Variants in ZNF480 observed in about 807,000 individuals in gnomAD.
ZNF480 encodes zinc finger protein 480.
Under a neutral mutation model 14.4 loss-of-function variants are expected in ZNF480, and 15 were observed. That is an observed-to-expected ratio of 1.04 (90% CI 0.70 to 1.60). The LOEUF is 1.60. ZNF480 is among the 40% of genes most tolerant of loss of function. ZNF480 has a pLI of 0.00. For missense variants in ZNF480, 593 were observed against 629.7 expected (o/e 0.94, Z 0.62); for synonymous variants, 218 against 215.5 (o/e 1.01, Z -0.10).
chr19:52,314,807 TA>T (rs1983472357), intron 3 of ZNF480, among the ~76,000 whole-genome samples: 1 of 150,532 alleles, frequency 6.6e-6, no homozygotes, highest in Non-Finnish European at 1.5e-5. Context: ...TCCGTCTCAT[TA>T]AAAAAACAAA....
At chr19:52,298,415 G>T (rs749923421) in intron 1 of ZNF480, among the ~76,000 whole-genome samples, 2 of 152,074 alleles carry the variant, frequency 1.3e-5, no homozygotes, top group Non-Finnish European at 2.9e-5. Context: ...GGTGGATCAC[G>T]TGAGGTCAGG....
chr19:52,301,596 G>A (rs1834951), intron 2 of ZNF480: 119,880 of 152,102 alleles, frequency 0.79, 47,459 homozygotes, highest in Non-Finnish European at 0.83. Context: ...CTAGTTTTCA[G>A]TCTGTGTTAG....
chr19:52,309,280 G>A lies in ZNF480; in HGVS notation c.73-4873G>A, dbSNP rs144934074. Reference sequence around the variant, plus strand: ...CAGCTGGAGACTCTGGAGGTCCCTCGCCTTGTCTGGGATGTGTCCTCTCTG... The same window carrying A: ...CAGCTGGAGACTCTGGAGGTCCCTCACCTTGTCTGGGATGTGTCCTCTCTG... On this transcript the variant is annotated intron_variant, in intron 2 of 4. Coordinates refer to ENST00000595962, the MANE Select transcript of ZNF480 (RefSeq NM_144684.4). Among the ~76,000 whole-genome samples, 140 of 152,254 alleles carry A rather than the reference G, an allele frequency of 9.2e-4. 1 individual carries two copies. Among genetic ancestry groups the A allele is most frequent in the Non-Finnish European group, 5.9e-4 (40 of 68,018 alleles).
rs1983958037 is a variant in ZNF480, at chr19:52,323,706, C to T, written c.*848C>T. 1 of 152,142 alleles carries T rather than the reference C, an allele frequency of 6.6e-6. No homozygotes were observed. The highest frequency in any genetic ancestry group is 1.5e-5 in the Non-Finnish European group (1 of 68,010). The allele number at this position is 152,142 out of a possible 1,614,324, so 9.4% of individuals were successfully genotyped here. A position where few individuals can be genotyped will look rare whatever the true frequency, so the allele number is the denominator to read the frequency against. On this transcript the variant is annotated 3_prime_UTR_variant, in exon 5 of 5. Coordinates refer to ENST00000595962, the MANE Select transcript of ZNF480 (RefSeq NM_144684.4). Reference sequence around the variant, plus strand: ...AGAACTAAAAACAAAAACCACATGACCATGATCATCTCTTTAGATGCAGAA... The same window carrying T: ...AGAACTAAAAACAAAAACCACATGATCATGATCATCTCTTTAGATGCAGAA...
chr19:52,314,788 G>C (rs1279780975), intron 3 of ZNF480, among the ~76,000 whole-genome samples: 1 of 151,772 alleles, frequency 6.6e-6, no homozygotes, highest in African/African-American at 2.4e-5. Flanking sequence ...TGGGTAACAA[G>C]AGTGAAACTC....
Position 52,300,500 on chromosome 19 carries a change from C to G in ZNF480, c.72+16C>G. 1 of 1,609,328 alleles carries G rather than the reference C, an allele frequency of 6.2e-7. No individual in the cohort carries two copies. The highest frequency in any genetic ancestry group is 2.2e-5 in the East Asian group (1 of 44,866). On this transcript the variant is annotated intron_variant, in intron 2 of 4. Coordinates refer to ENST00000595962, the MANE Select transcript of ZNF480 (RefSeq NM_144684.4). ...TCTTCCTCAGGTGAGATGATATTCT[C>G]GGTGGATTGTTCTGTCTCCTTTCTT...
At chr19:52,310,431 A>T (rs1307915768) in intron 2 of ZNF480, among the ~76,000 whole-genome samples, 1 of 152,094 alleles carries the variant, frequency 6.6e-6, no homozygotes, top group South Asian at 2.1e-4. Context: ...TGTTAATTAT[A>T]TACATTTTTA....
intron 2 of ZNF480, among the ~76,000 whole-genome samples, chr19:52,311,619 GT>G (rs1983291989): frequency 6.6e-6 from 1 of 152,026 alleles, no homozygotes; most frequent in Non-Finnish European, 1.5e-5. Context: ...CATTTTTGTT[GT>G]AAACATGCTG....
At chr19:52,315,661 G>T (rs946196928) in intron 3 of ZNF480, among the ~76,000 whole-genome samples, 173 bp from the exon 4 acceptor site, 4 of 152,054 alleles carry the variant, frequency 2.6e-5, no homozygotes, top group African/African-American at 9.7e-5. Context: ...TTGGAAAGGG[G>T]CTTGATGTCT....
At chr19:52,303,806 T>C (rs1316628450) in intron 2 of ZNF480, among the ~76,000 whole-genome samples, 7 of 152,214 alleles carry the variant, frequency 4.6e-5, no homozygotes, top group Non-Finnish European at 2.9e-5. Context: ...TTGTATCCAA[T>C]TAATGTCCCT....
chr19:52,313,211 A>G (rs1181483435), intron 2 of ZNF480, among the ~76,000 whole-genome samples: 2 of 144,826 alleles, frequency 1.4e-5, no homozygotes, highest in Admixed American at 7.2e-5. Flanking sequence ...ATCTCAGCTC[A>G]CTGCAACCTC....
chr19:52,319,095 C>G (rs1394758222), intron 4 of ZNF480, among the ~76,000 whole-genome samples: 1 of 152,050 alleles, frequency 6.6e-6, no homozygotes, highest in Admixed American at 6.6e-5. Flanking sequence ...AACTCCTGAC[C>G]TCAAGCAATC....
rs560927689 is a variant in ZNF480 at position 52,313,934 on chromosome 19, G to A, written c.73-219G>A. Reference sequence around the variant, plus strand: ...GCGGAGGTTGCAGTGAGCCGAGATTGCACCACTGCACTCCAGCCTGGGCAA... The same window carrying A: ...GCGGAGGTTGCAGTGAGCCGAGATTACACCACTGCACTCCAGCCTGGGCAA... On this transcript the variant is annotated intron_variant, in intron 2 of 4. Coordinates refer to ENST00000595962, the MANE Select transcript of ZNF480 (RefSeq NM_144684.4). 6.7e-4 allele frequency: 258 copies of A among 384,682 alleles called. 4 individuals are homozygous for A. Among genetic ancestry groups the A allele is most frequent in the South Asian group, 5.1e-3 (250 of 49,008 alleles). 23.8% of individuals were successfully genotyped at this position (384,682 alleles called of 1,614,324 possible).
chr19:52,313,082 A>G (rs1983366008), intron 2 of ZNF480, among the ~76,000 whole-genome samples: 1 of 151,564 alleles, frequency 6.6e-6, no homozygotes. Flanking sequence ...CGGCCTCCCA[A>G]AATGGTGGGA....
intron 2 of ZNF480, 22 bp from the exon 3 acceptor site, chr19:52,314,131 T>C: frequency 6.5e-7 from 1 of 1,547,488 alleles, no homozygotes; most frequent in South Asian, 1.1e-5. Context: ...ATCCTGTTGG[T>C]GAAATGTGGT....
In ZNF480 at chr19:52,325,910, GA is replaced by G. The variant is rs1270659859; in HGVS notation, c.*3059del. 2.0e-5 allele frequency: 3 copies of G among 152,034 alleles called. No homozygotes were observed. The highest frequency in any genetic ancestry group is 7.2e-5 in the African/African-American group (3 of 41,382). 9.4% of individuals were successfully genotyped at this position (152,034 alleles called of 1,614,324 possible). The stretch of plus-strand genomic sequence containing the variant: ...ACTCCTTGAACCTAAAATAAAACAT[GA>G]AAAAAAGCAAATTTCACACCTTGTA... On this transcript the variant is annotated 3_prime_UTR_variant, in exon 5 of 5. Transcript: ENST00000595962.
intron 1 of ZNF480, among the ~76,000 whole-genome samples, chr19:52,298,884 G>A (rs1568627877): frequency 6.6e-6 from 1 of 151,940 alleles, no homozygotes; most frequent in Non-Finnish European, 1.5e-5. Flanking sequence ...CAGAATGAGG[G>A]AGGGAAACAC....
intron 2 of ZNF480, chr19:52,301,565 G>A (rs376763454): frequency 2.0e-5 from 3 of 151,982 alleles, no homozygotes; most frequent in East Asian, 1.9e-4. Flanking sequence ...ACAGTTTATC[G>A]GAGATCATTG....
chr19:52,318,211 A>G (rs1983647710), intron 4 of ZNF480, among the ~76,000 whole-genome samples: 1 of 151,928 alleles, frequency 6.6e-6, no homozygotes, highest in South Asian at 2.1e-4. Context: ...GGTTCAAGCA[A>G]TTCTCCCACC....
Sources: gnomAD v4.1 joint callset for allele counts (sites outside exome capture counted in the v4.1 genomes callset) on GRCh38, gnomAD v4.1.1 for gene constraint, MANE v1.5 for transcripts, NCBI Gene and HGNC (gene_info 2026-07-23, HGNC 2026-07-21) for gene names.